Variants in IL1RAPL2 observed in about 807,000 individuals in gnomAD.
The protein encoded by IL1RAPL2 is X-linked interleukin-1 receptor accessory protein-like 2.
IL1RAPL2 carries 3 observed loss-of-function variants against 44.1 expected under a neutral mutation model. The ratio of observed to expected loss-of-function variants is 0.07; its 90% confidence interval spans 0.03 to 0.18. IL1RAPL2 has a LOEUF of 0.18. Ranked by LOEUF, IL1RAPL2 falls within the 10% of genes least tolerant of loss-of-function variation. The pLI, the probability that IL1RAPL2 is intolerant of heterozygous loss-of-function variation, is 1.00. For missense variants in IL1RAPL2, 391 were observed against 496.4 expected, an observed-to-expected ratio of 0.79 and a Z score of 2.02; for synonymous variants, 181 against 178.8, an observed-to-expected ratio of 1.01 and a Z score of -0.10.
intron 2 of IL1RAPL2, among the ~76,000 whole-genome samples, chrX:105,023,074 G>T (rs2031309366): frequency 9.0e-6 from 1 of 110,803 alleles, no homozygotes; most frequent in Non-Finnish European, 1.9e-5. Flanking sequence ...AATTTTGTCG[G>T]TCTGACACTG....
chrX:105,065,230 A>G (rs570845786), intron 2 of IL1RAPL2, among the ~76,000 whole-genome samples: 2 of 112,221 alleles, frequency 1.8e-5, no homozygotes, highest in South Asian at 7.4e-4. Flanking sequence ...TTGAGGGTTC[A>G]TATGACAGAC....
In IL1RAPL2 at chrX:105,264,471, A is replaced by T. The variant is rs192116569; in HGVS notation, c.544-2917A>T. The stretch of plus-strand genomic sequence containing the variant: ...AAGTAATGACAGCAGTAAGCCTAGC[A>T]GCCAGCAGCTTACTGGGAGAAAGAG... On this transcript the variant is annotated intron_variant, in intron 4 of 10. Coordinates refer to ENST00000372582, the MANE Select transcript of IL1RAPL2 (RefSeq NM_017416.2). 4.5e-5 allele frequency among the ~76,000 whole-genome samples: 5 copies of T among 111,879 alleles called. No individual in the cohort carries two copies. The East Asian group carries it at 1.4e-3, about 32-fold the overall frequency.
At chrX:104,825,506 ATT>A in intron 2 of IL1RAPL2, among the ~76,000 whole-genome samples, 1 of 112,004 alleles carries the variant, frequency 8.9e-6, no homozygotes, top group South Asian at 3.7e-4. Flanking sequence ...GCTTGGAATT[ATT>A]TTAAGGCTAC....
intron 6 of IL1RAPL2, among the ~76,000 whole-genome samples, chrX:105,600,688 T>A (rs1338310165): frequency 9.7e-6 from 1 of 103,512 alleles, no homozygotes; most frequent in African/African-American, 3.6e-5. Context: ...ATAGAATATT[T>A]AATTAATTTA....
chrX:105,369,560 C>T (rs749086966), intron 5 of IL1RAPL2, among the ~76,000 whole-genome samples: 11 of 111,535 alleles, frequency 9.9e-5, no homozygotes, highest in Non-Finnish European at 1.9e-4. Context: ...ATTTATTCTG[C>T]CGTAACCAAA....
intron 5 of IL1RAPL2, among the ~76,000 whole-genome samples, chrX:105,450,094 A>G (rs995479511): frequency 2.7e-5 from 3 of 111,980 alleles, no homozygotes; most frequent in African/African-American, 6.5e-5. Flanking sequence ...ATCCATTGGG[A>G]TGGGCGATTC....
intron 2 of IL1RAPL2, among the ~76,000 whole-genome samples, chrX:104,959,976 G>A (rs774532483): frequency 5.4e-5 from 6 of 111,722 alleles, no homozygotes; most frequent in African/African-American, 1.6e-4. Context: ...TTTACATTTA[G>A]TTATCCTGTA....
intron 2 of IL1RAPL2, among the ~76,000 whole-genome samples, chrX:104,708,627 T>C (rs1414197843): frequency 9.0e-6 from 1 of 111,346 alleles, no homozygotes; most frequent in Non-Finnish European, 1.9e-5. Context: ...TTACTAGATA[T>C]TGCATCAATT....
rs758666446 is a variant in IL1RAPL2 at position 105,710,939 on chromosome X, A to AAT, written c.773-6415_773-6414dup. ...ATTAAATTACACTGATATACATATA[A>AAT]ATATATATATATATTTATATATATA... On this transcript the variant is annotated intron_variant, in intron 6 of 10. Coordinates refer to ENST00000372582, the MANE Select transcript of IL1RAPL2 (RefSeq NM_017416.2). Among the ~76,000 whole-genome samples, 284 of 105,350 alleles carry AAT rather than the reference A, an allele frequency of 2.7e-3. 5 individuals are homozygous for AAT. The highest frequency in any genetic ancestry group is 0.015 in the South Asian group (36 of 2,433). The allele number at this position is 105,350 out of a possible 115,157, so 91.5% of individuals were successfully genotyped here. A position where few individuals can be genotyped will look rare whatever the true frequency, so the allele number is the denominator to read the frequency against.
intron 6 of IL1RAPL2, among the ~76,000 whole-genome samples, chrX:105,509,115 C>G (rs9785557): frequency 0.22 from 24,169 of 111,513 alleles, 6,295 homozygotes; most frequent in African/African-American, 0.75. Flanking sequence ...CCCTCACAGA[C>G]CTTACATTTT....
At chrX:105,024,686 A>G (rs758931517) in intron 2 of IL1RAPL2, among the ~76,000 whole-genome samples, 1 of 111,712 alleles carries the variant, frequency 9.0e-6, no homozygotes, top group East Asian at 2.8e-4. Context: ...AATTGTTACC[A>G]ATAACTGAAA....
intron 3 of IL1RAPL2, among the ~76,000 whole-genome samples, chrX:105,209,596 C>G (rs934506381): frequency 2.7e-5 from 3 of 112,002 alleles, no homozygotes; most frequent in Non-Finnish European, 5.6e-5. Context: ...GCCCATCTCA[C>G]TAAGCATGCT....
intron 1 of IL1RAPL2, among the ~76,000 whole-genome samples, chrX:104,609,257 C>T (rs953592769): frequency 1.8e-5 from 2 of 111,692 alleles, no homozygotes; most frequent in African/African-American, 3.3e-5. Flanking sequence ...GTGGGTAACT[C>T]GACCTTTCTC....
intron 3 of IL1RAPL2, among the ~76,000 whole-genome samples, chrX:105,226,483 C>T (rs112122618): frequency 1.7e-4 from 17 of 101,995 alleles, no homozygotes; most frequent in East Asian, 3.1e-4. Context: ...CTGCAACCTC[C>T]GCCTCCTGGG....
chrX:105,408,644 G>T (rs2035668096), intron 5 of IL1RAPL2, among the ~76,000 whole-genome samples: 1 of 111,523 alleles, frequency 9.0e-6, no homozygotes, highest in Admixed American at 9.5e-5. Context: ...GAGAAGTATT[G>T]TATTGAGAGA....
intron 5 of IL1RAPL2, among the ~76,000 whole-genome samples, chrX:105,306,163 TTAGA>T (rs910125164): frequency 3.6e-5 from 4 of 111,580 alleles, no homozygotes; most frequent in Admixed American, 9.6e-5. Flanking sequence ...TTTACCTATT[TTAGA>T]TAGATAGGTA....
At chrX:104,604,571 G>A (rs1429920910) in intron 1 of IL1RAPL2, among the ~76,000 whole-genome samples, 3 of 91,046 alleles carry the variant, frequency 3.3e-5, no homozygotes, top group African/African-American at 4.2e-5. Context: ...CATCTCATGT[G>A]CAAAGACACA....
chrX:104,625,878 T>A (rs1929496522), intron 1 of IL1RAPL2, among the ~76,000 whole-genome samples: 1 of 111,371 alleles, frequency 9.0e-6, no homozygotes, highest in Non-Finnish European at 1.9e-5. Context: ...TCCAAAAGAC[T>A]GGATTTTGAA....
chrX:104,738,861 G>T (rs187323277), intron 2 of IL1RAPL2, among the ~76,000 whole-genome samples: 8 of 112,073 alleles, frequency 7.1e-5, no homozygotes, highest in African/African-American at 2.3e-4. Flanking sequence ...GACCGCTTCA[G>T]CCCTGGAGTT....
Sources: allele counts gnomAD v4.1 joint callset (sites outside exome capture counted in the v4.1 genomes callset), GRCh38; gene constraint gnomAD v4.1.1; transcripts MANE v1.5; gene names NCBI Gene and HGNC (gene_info 2026-07-23, HGNC 2026-07-21).